GRM7: variants seen among roughly 807,000 people sequenced by gnomAD.
GRM7 encodes glutamate metabotropic receptor 7.
Under a neutral mutation model 84.5 loss-of-function variants are expected in GRM7, and 35 were observed. The ratio of observed to expected loss-of-function variants is 0.41; its 90% CI spans 0.32 to 0.55. The LOEUF is 0.55. Ranked by LOEUF, GRM7 falls within the 20% of genes least tolerant of loss-of-function variation. The pLI is 0.19. For missense variants in GRM7, 1,003 were observed against 1,194.6 expected, an observed-to-expected ratio of 0.84 and a Z score of 2.36; for synonymous variants, 487 against 455.1, an observed-to-expected ratio of 1.07 and a Z score of -0.89.
rs536041959 is a variant in GRM7, at chr3:7,401,597, G to GA, written c.1034-13417dup. Among the ~76,000 whole-genome samples, 1,241 of 149,622 alleles carry GA rather than the reference G, an allele frequency of 8.3e-3. 8 individuals are homozygous for GA. Among genetic ancestry groups the GA allele is most frequent in the Non-Finnish European group, 0.013 (843 of 67,262 alleles). On this transcript the variant is annotated intron_variant, in intron 4 of 9. Transcript: ENST00000357716. ...ACACCAATTACCTAGAAAAAACTTT[G>GA]AAAAAAAAATAAAGCATTAGTCATC...
intron 2 of GRM7, among the ~76,000 whole-genome samples, chr3:7,275,679 A>G (rs1699025836): frequency 6.6e-6 from 1 of 152,146 alleles, no homozygotes; most frequent in Admixed American, 6.6e-5. Context: ...CTGTTTAGCT[A>G]GTTTCTTCTG....
intron 4 of GRM7, among the ~76,000 whole-genome samples, chr3:7,409,748 A>C (rs765865215): frequency 4.6e-5 from 7 of 151,832 alleles, no homozygotes; most frequent in Non-Finnish European, 7.4e-5. Flanking sequence ...CTACAGGCAC[A>C]TGCCACCACG....
chr3:7,025,701 G>A (rs1476214687), intron 1 of GRM7, among the ~76,000 whole-genome samples: 1 of 152,086 alleles, frequency 6.6e-6, no homozygotes, highest in African/African-American at 2.4e-5. Flanking sequence ...CGTGTGTCTT[G>A]CTTTACCTAC....
intron 2 of GRM7, among the ~76,000 whole-genome samples, chr3:7,281,706 C>G (rs1699255390): frequency 6.6e-6 from 1 of 152,042 alleles, no homozygotes; most frequent in Non-Finnish European, 1.5e-5. Flanking sequence ...AAACATCAGC[C>G]CTGCAGCATC....
intron 9 of GRM7, among the ~76,000 whole-genome samples, chr3:7,682,776 C>G (rs1352436227): frequency 6.6e-6 from 1 of 152,076 alleles, no homozygotes; most frequent in East Asian, 1.9e-4. Flanking sequence ...TTGGGTATGA[C>G]ATTGGTTGTT....
At chr3:7,479,432 G>A (rs1190702443) in intron 7 of GRM7, among the ~76,000 whole-genome samples, 7 of 152,004 alleles carry the variant, frequency 4.6e-5, no homozygotes, top group Admixed American at 3.3e-4. Context: ...ACGTTAGCAC[G>A]TATGCTGAGT....
In GRM7 at chr3:7,302,820, C is replaced by G. The variant is rs1025571658; in HGVS notation, c.879-3678C>G. On this transcript the variant is annotated intron_variant, in intron 3 of 9. Transcript: ENST00000357716. ...TAAACCAGTTTCCCATTGCTCTGTA[C>G]TTAGGTTAACTCCAGTAATGAACAG... Among the ~76,000 whole-genome samples, 3 of 150,296 alleles carry G rather than the reference C, an allele frequency of 2.0e-5. No homozygotes were observed. In the South Asian group the frequency reaches 6.3e-4, roughly 31 times the overall value.
At chr3:7,542,714 A>C (rs959193409) in intron 7 of GRM7, among the ~76,000 whole-genome samples, 5 of 151,892 alleles carry the variant, frequency 3.3e-5, no homozygotes, top group African/African-American at 1.2e-4. Context: ...CGCCAGGCCA[A>C]TTTTTGTATT....
At chr3:7,540,703 C>A (rs1400353433) in intron 7 of GRM7, among the ~76,000 whole-genome samples, 3 of 152,018 alleles carry the variant, frequency 2.0e-5, no homozygotes, top group Non-Finnish European at 2.9e-5. Context: ...TTTAAAATGG[C>A]AGATTTGATG....
At chr3:7,377,095 A>G (rs1358261282) in intron 4 of GRM7, among the ~76,000 whole-genome samples, 2 of 152,270 alleles carry the variant, frequency 1.3e-5, no homozygotes, top group South Asian at 2.1e-4. Context: ...TGTCAGATGC[A>G]CTAACTACTT....
chr3:7,564,737 C>A (rs1021544435), intron 7 of GRM7, among the ~76,000 whole-genome samples: 4 of 152,168 alleles, frequency 2.6e-5, no homozygotes, highest in African/African-American at 9.7e-5. Flanking sequence ...CTTATTTAGT[C>A]TTCCTACCTA....
At chr3:6,983,750 CTT>C (rs1694290795) in intron 1 of GRM7, among the ~76,000 whole-genome samples, 1 of 151,776 alleles carries the variant, frequency 6.6e-6, no homozygotes. Flanking sequence ...TATTTACAAA[CTT>C]AAGCACATTA....
rs574127099 is a variant in GRM7 at position 7,622,256 on chromosome 3, G to C, written c.2451+42899G>C. Among the ~76,000 whole-genome samples the C allele has an allele frequency of 9.2e-5, 14 of 152,148 alleles. No individual in the cohort carries two copies. The South Asian group carries it at 1.5e-3, about 16-fold the overall frequency. On this transcript the variant is annotated intron_variant, in intron 8 of 9. Coordinates refer to ENST00000357716, the MANE Select transcript of GRM7 (RefSeq NM_000844.4). ...GCACCCACTCTTTGGTAGGCACATG[G>C]GATAAAAAGGCAAGCAAAACTCCAC... is the stretch of plus-strand genomic sequence containing the variant.
intron 2 of GRM7, among the ~76,000 whole-genome samples, chr3:7,189,272 G>A (rs557656128): frequency 9.9e-5 from 15 of 152,138 alleles, no homozygotes; most frequent in South Asian, 6.2e-4. Flanking sequence ...ACACACGCAC[G>A]TGAGAAAGCA....
At chr3:7,136,531 C>CCAGTGTTGAGGAAGGAAATT (rs1237406472) in intron 1 of GRM7, among the ~76,000 whole-genome samples, 6 of 151,962 alleles carry the variant, frequency 3.9e-5, no homozygotes, top group African/African-American at 1.5e-4. Context: ...CTCCTACATT[C>CCAGTGTTGAGGAAGGAAATT]CCCAAAAAAG....
chr3:7,546,114 T>A (rs1693133474), intron 7 of GRM7, among the ~76,000 whole-genome samples: 1 of 152,200 alleles, frequency 6.6e-6, no homozygotes, highest in South Asian at 2.1e-4. Flanking sequence ...TTACTTTTAA[T>A]TCATATGCAA....
chr3:7,531,369 G>T (rs1441514491), intron 7 of GRM7, among the ~76,000 whole-genome samples: 1 of 151,734 alleles, frequency 6.6e-6, no homozygotes, highest in African/African-American at 2.4e-5. Context: ...TTAGCGGGAT[G>T]GGGATACCAT....
chr3:7,592,793 G>A (rs2125064569), intron 8 of GRM7, among the ~76,000 whole-genome samples: 1 of 152,152 alleles, frequency 6.6e-6, no homozygotes, highest in Admixed American at 6.6e-5. Flanking sequence ...TATATATATG[G>A]AACCGAGAAA....
At chr3:7,306,737 G>A in intron 4 of GRM7, 85 bp downstream of exon 4, 1 of 1,228,374 alleles carries the variant, frequency 8.1e-7, no homozygotes, top group Admixed American at 2.6e-5. Context: ...TTAGGGGTTT[G>A]GCATTTTTAC....
Sources: gnomAD v4.1 joint callset for allele counts (sites outside exome capture counted in the v4.1 genomes callset) on GRCh38, gnomAD v4.1.1 for gene constraint, MANE v1.5 for transcripts, NCBI Gene and HGNC (gene_info 2026-07-23, HGNC 2026-07-21) for gene names.